MYO7A: variants seen among roughly 807,000 people sequenced by gnomAD.
The protein encoded by MYO7A is unconventional myosin-VIIa.
A neutral mutation model predicts 263.8 loss-of-function variants in MYO7A; 210 were observed. That is an observed-to-expected ratio of 0.80 (90% CI 0.71 to 0.89). MYO7A has a LOEUF of 0.89. Ranked by LOEUF, MYO7A falls within the 40% of genes least tolerant of loss-of-function variation. MYO7A has a pLI of 0.00. For missense variants in MYO7A, 2,820 were observed against 2,968.3 expected (o/e 0.95, Z 1.16); for synonymous variants, 1,239 against 1,197.3 (o/e 1.03, Z -0.72).
chr11:77,155,302 C>T (rs564292124), intron 4 of MYO7A, among the ~76,000 whole-genome samples: 10 of 152,306 alleles, frequency 6.6e-5, no homozygotes, highest in African/African-American at 1.4e-4. Context: ...CCTGCGCCTA[C>T]GCTGCCCAGG....
At chr11:77,196,231 G>C (rs550407879) in intron 32 of MYO7A, among the ~76,000 whole-genome samples, 1 of 152,208 alleles carries the variant, frequency 6.6e-6, no homozygotes, top group African/African-American at 2.4e-5. Context: ...ACCAGGCGTG[G>C]TGGTGGGTGC....
At position 77,198,671 on chromosome 11, in the gene MYO7A, G is replaced by C. The variant is rs757840447; in HGVS notation, c.4568+50G>C. ...AGACAGACAGAGGGGAAGGAGAGGG[G>C]CTGGAGCTTCCCTGCGGGTCACAGG... On this transcript the variant is annotated intron_variant, in intron 34 of 48. Transcript: ENST00000409709. The C allele has an allele frequency of 2.5e-6, 4 of 1,609,478 alleles. No homozygotes were observed. In the South Asian group the frequency reaches 4.4e-5, roughly 18 times the overall value.
chr11:77,199,772 G>A lies in MYO7A; in HGVS notation c.4806G>A (p.Arg1602=). Residue 1602 remains arginine (R), a synonymous_variant, in exon 35 of 49, where the codon CGG becomes CGA. Transcript: ENST00000409709. ...DLVVTFLEGL[R]KRSKYVVALQ... ...TGGTCACCTTCCTAGAGGGGCTCCG[G>A]AAGAGATCTAAGTATGTTGTGGCCC... The A allele has an allele frequency of 6.2e-7, 1 of 1,611,774 alleles. No individual in the cohort carries two copies. The highest frequency in any genetic ancestry group is 8.5e-7 in the Non-Finnish European group (1 of 1,178,328).
At chr11:77,200,270 TAA>T (rs796169706) in intron 35 of MYO7A, among the ~76,000 whole-genome samples, 3 of 142,556 alleles carry the variant, frequency 2.1e-5, no homozygotes, top group Non-Finnish European at 3.1e-5. Flanking sequence ...CCTCCTCTCT[TAA>T]AAAAAAAAAA....
chr11:77,189,630 C>T (rs2135552047), intron 28 of MYO7A, among the ~76,000 whole-genome samples, 160 bp downstream of exon 28: 1 of 152,348 alleles, frequency 6.6e-6, no homozygotes, highest in Admixed American at 6.5e-5. Flanking sequence ...TCCTCTCAGG[C>T]AGCCACCTCT....
At position 77,162,955 on chromosome 11, in the gene MYO7A, C is replaced by T. The variant is rs782052073; in HGVS notation, c.1657C>T (p.His553Tyr). The stretch of plus-strand genomic sequence containing the variant: ...CCATGAGACCCAGTTTGGCATCAAC[C>T]ATTTTGCAGGCATCGTCTACTATGA... ...NNHETQFGIN[H>Y]FAGIVYYETQ... The change falls in exon 14 of 49, where the codon CAT (histidine) becomes TAT (tyrosine). Residue 553 changes from histidine (H) to tyrosine (Y), a missense_variant. Physicochemically the swap from His to Tyr is moderately conservative, Grantham distance 83. Transcript: ENST00000409709. The T allele has an allele frequency of 6.2e-7, 1 of 1,613,912 alleles. No individual in the cohort carries two copies. The highest frequency in any genetic ancestry group is 8.5e-7 in the Non-Finnish European group (1 of 1,179,876).
Position 77,162,439 on chromosome 11 carries a change from C to T in MYO7A, c.1554+109C>T, listed in dbSNP as rs1291054607. 6 of 1,101,922 alleles carry T rather than the reference C, an allele frequency of 5.4e-6. No homozygotes were observed. The African/African-American group carries it at 9.3e-5, about 17-fold the overall frequency. 68.3% of individuals were successfully genotyped at this position (1,101,922 alleles called of 1,614,324 possible). A position where few individuals can be genotyped will look rare whatever the true frequency, so the allele number is the denominator to read the frequency against. On this transcript the variant is annotated intron_variant, in intron 13 of 48. Coordinates refer to ENST00000409709, the MANE Select transcript of MYO7A (RefSeq NM_000260.4). Reference sequence around the variant, plus strand: ...GCAAAATAGGACTAATGATACCCACCTCTCAAGTTGGCTCAGGGGCCAATT... The same window carrying T: ...GCAAAATAGGACTAATGATACCCACTTCTCAAGTTGGCTCAGGGGCCAATT...
At chr11:77,174,432 C>G (rs1235349850) in intron 16 of MYO7A, among the ~76,000 whole-genome samples, 3 of 152,308 alleles carry the variant, frequency 2.0e-5, no homozygotes, top group East Asian at 1.9e-4. Context: ...AGGCTCACCC[C>G]CTCCAGCCTT....
chr11:77,137,559 C>T (rs574560348), intron 2 of MYO7A, among the ~76,000 whole-genome samples: 5 of 152,178 alleles, frequency 3.3e-5, no homozygotes, highest in East Asian at 3.9e-4. Context: ...CTGGGCCTTC[C>T]GGACCCTCGG....
At position 77,198,552 on chromosome 11, in the gene MYO7A, TTG is replaced by T. The variant is rs1555099541; in HGVS notation, c.4502_4503del (p.Val1501GlyfsTer2). 1 of 1,613,808 alleles carries T rather than the reference TTG, an allele frequency of 6.2e-7. No individual in the cohort carries two copies. The highest frequency in any genetic ancestry group is 1.3e-5 in the African/African-American group (1 of 75,000). On this transcript the variant is annotated frameshift_variant, in exon 34 of 49. Coordinates refer to ENST00000409709, the MANE Select transcript of MYO7A (RefSeq NM_000260.4). LOFTEE classifies it high-confidence loss of function. ...GCCGTCAACTGGACGGGTGTGTACT[TTG>T]TGGATGAGCAGGAGCAGGTACTTCT...
rs1953156205 is a variant in MYO7A, at chr11:77,163,006, C to T, written c.1690+18C>T. 6.2e-7 allele frequency: 1 copy of T among 1,612,792 alleles called. No homozygotes were observed. The highest frequency in any genetic ancestry group is 8.5e-7 in the Non-Finnish European group (1 of 1,179,076). On this transcript the variant is annotated intron_variant, in intron 14 of 48. Coordinates refer to ENST00000409709, the MANE Select transcript of MYO7A (RefSeq NM_000260.4). ...GACCCAAGGTACAGAGGGCTGCCGGCTGTCTGTCACTCCCTGCCCGTGGCC... is the reference window on the plus strand; with the variant it reads ...GACCCAAGGTACAGAGGGCTGCCGGTTGTCTGTCACTCCCTGCCCGTGGCC...
chr11:77,161,926 G>C (rs1555069064), intron 12 of MYO7A, among the ~76,000 whole-genome samples, 194 bp from the exon 13 acceptor site: 1 of 152,296 alleles, frequency 6.6e-6, no homozygotes, highest in African/African-American at 2.4e-5. Flanking sequence ...CAAGTCCTTT[G>C]CCCTTGCTGG....
At chr11:77,167,924 A>T (rs1244250659) in intron 15 of MYO7A, among the ~76,000 whole-genome samples, 2 of 152,084 alleles carry the variant, frequency 1.3e-5, no homozygotes, top group African/African-American at 4.8e-5. Context: ...GCTGGGGTGC[A>T]CACAAGGCCA....
intron 8 of MYO7A, 63 bp downstream of exon 8, chr11:77,157,455 A>G: frequency 1.7e-6 from 2 of 1,154,994 alleles, no homozygotes; most frequent in East Asian, 2.5e-5. Flanking sequence ...GGAGCTGGCT[A>G]CTGCAGACTC....
chr11:77,192,065 C>A lies in MYO7A; in HGVS notation c.3939C>A (p.Gly1313=). 6.2e-7 allele frequency: 1 copy of A among 1,613,354 alleles called. No homozygotes were observed. Among genetic ancestry groups the A allele is most frequent in the Non-Finnish European group, 8.5e-7 (1 of 1,179,848 alleles). The change falls in exon 31 of 49, where the codon GGC becomes GGA. Residue 1313 remains glycine (G), a synonymous_variant. Coordinates refer to ENST00000409709, the MANE Select transcript of MYO7A (RefSeq NM_000260.4). ...TGTGCCCACAGGTGTCCTCCCTGGG[C>A]AGCGGCAGTGACCACGTCATGGACG... ...IALFDKVSSL[G]SGSDHVMDAI...
At chr11:77,163,928 G>C (rs1555070827) in intron 14 of MYO7A, among the ~76,000 whole-genome samples, 1 of 152,090 alleles carries the variant, frequency 6.6e-6, no homozygotes, top group African/African-American at 2.4e-5. Context: ...AATTCTTTTG[G>C]ATGGGCTCAA....
rs769771981 is a variant in MYO7A at position 77,192,069 on chromosome 11, G to A, written c.3943G>A (p.Gly1315Ser). Residue 1315 changes from glycine to serine, a missense_variant, in exon 31 of 49, where the codon GGC becomes AGC. By Grantham distance (56) the Gly-to-Ser change is moderately conservative (BLOSUM62 0). Transcript: ENST00000409709. ...CCCACAGGTGTCCTCCCTGGGCAGCGGCAGTGACCACGTCATGGACGCCAT... is the reference window on the plus strand; with the variant it reads ...CCCACAGGTGTCCTCCCTGGGCAGCAGCAGTGACCACGTCATGGACGCCAT... The part of the protein sequence containing the change: ...LFDKVSSLGS[G>S]SDHVMDAISQ... 27 of 1,613,378 alleles carry A rather than the reference G, an allele frequency of 1.7e-5. No individual in the cohort carries two copies. Among genetic ancestry groups the A allele is most frequent in the South Asian group, 8.8e-5 (8 of 91,040 alleles).
chr11:77,141,979 G>T (rs1291251648), intron 2 of MYO7A, among the ~76,000 whole-genome samples: 1 of 152,246 alleles, frequency 6.6e-6, no homozygotes, highest in Non-Finnish European at 1.5e-5. Flanking sequence ...ATTAATCAGT[G>T]CTTTGCACTC....
rs782414897 is a variant in MYO7A, at chr11:77,189,407, C to G, written c.3567C>G (p.Ala1189=). Residue 1189 remains alanine (A), a synonymous_variant, in exon 28 of 49, where the codon GCC becomes GCG. Coordinates refer to ENST00000409709, the MANE Select transcript of MYO7A (RefSeq NM_000260.4). ...LTHNPSKSSY[A]RGWILVSLCV... ...ACAACCCCTCCAAGAGCAGCTATGC[C>G]CGGGGCTGGATTCTCGTGTCTCTCT... 1 of 1,613,912 alleles carries G rather than the reference C, an allele frequency of 6.2e-7. No individual in the cohort carries two copies. Among genetic ancestry groups the G allele is most frequent in the Admixed American group, 1.7e-5 (1 of 60,030 alleles).
Sources: allele counts gnomAD v4.1 joint callset (sites outside exome capture counted in the v4.1 genomes callset), GRCh38; gene constraint gnomAD v4.1.1; transcripts MANE v1.5; gene names NCBI Gene and HGNC (gene_info 2026-07-23, HGNC 2026-07-21).